Variants in SLC4A10 observed in about 807,000 individuals in gnomAD.
SLC4A10 encodes the protein sodium-driven chloride bicarbonate exchanger.
Under a neutral mutation model 137.7 loss-of-function variants are expected in SLC4A10, and 42 were observed. The ratio of observed to expected loss-of-function variants is 0.30; its 90% CI spans 0.24 to 0.39. SLC4A10 has a LOEUF of 0.39. SLC4A10 is among the 10% of genes least tolerant of loss of function. SLC4A10 has a pLI of 1.00. For synonymous variants in SLC4A10, 474 were observed against 464.1 expected (o/e 1.02, Z -0.27); for missense variants, 925 against 1,355.0 (o/e 0.68, Z 4.98).
chr2:161,805,282 A>C (rs181312068), intron 3 of SLC4A10, among the ~76,000 whole-genome samples: 129 of 152,216 alleles, frequency 8.5e-4, no homozygotes, highest in African/African-American at 2.9e-3. Context: ...AACACATGGA[A>C]AATTCAAGAT....
At chr2:161,670,543 C>T (rs1041858404) in intron 1 of SLC4A10, among the ~76,000 whole-genome samples, 7 of 148,986 alleles carry the variant, frequency 4.7e-5, no homozygotes, top group South Asian at 2.2e-4. Context: ...TTATCTCGTG[C>T]GTACATAATT....
chr2:161,691,319 G>A (rs1348784961), intron 1 of SLC4A10, among the ~76,000 whole-genome samples: 12 of 149,710 alleles, frequency 8.0e-5, no homozygotes, highest in Admixed American at 3.3e-4. Flanking sequence ...AGGCTGGGAA[G>A]GGTAGGTGGG....
intron 3 of SLC4A10, among the ~76,000 whole-genome samples, chr2:161,812,596 T>C (rs1198022337): frequency 2.6e-5 from 4 of 152,080 alleles, no homozygotes; most frequent in African/African-American, 4.8e-5. Context: ...TTATCTCCCA[T>C]TTATGAGTAA....
intron 1 of SLC4A10, among the ~76,000 whole-genome samples, chr2:161,663,328 T>A (rs1287867125): frequency 3.9e-5 from 6 of 152,122 alleles, no homozygotes; most frequent in Non-Finnish European, 7.4e-5. Context: ...TTTGCTTATT[T>A]TGTATTTACA....
At chr2:161,822,889 T>C (rs1413576541) in intron 3 of SLC4A10, among the ~76,000 whole-genome samples, 2 of 152,120 alleles carry the variant, frequency 1.3e-5, no homozygotes, top group Non-Finnish European at 2.9e-5. Flanking sequence ...GCAGGAGAAC[T>C]GCTTGAACCC....
intron 1 of SLC4A10, among the ~76,000 whole-genome samples, chr2:161,715,180 C>G (rs1037966499): frequency 6.6e-6 from 1 of 151,956 alleles, no homozygotes. Context: ...GAAAGTCTAG[C>G]TCTACAGCTG....
chr2:161,917,984 C>T (rs1687433360), intron 15 of SLC4A10, among the ~76,000 whole-genome samples: 1 of 152,086 alleles, frequency 6.6e-6, no homozygotes, highest in Non-Finnish European at 1.5e-5. Context: ...AAGGTAAACC[C>T]CAAGACATCT....
intron 1 of SLC4A10, among the ~76,000 whole-genome samples, chr2:161,735,798 C>T (rs1016971571): frequency 2.6e-5 from 4 of 152,240 alleles, no homozygotes; most frequent in African/African-American, 9.6e-5. Context: ...CCAGATCTTA[C>T]CATGGCCAAC....
At chr2:161,883,145 T>C (rs1287312867) in intron 10 of SLC4A10, among the ~76,000 whole-genome samples, 1 of 152,192 alleles carries the variant, frequency 6.6e-6, no homozygotes, top group Non-Finnish European at 1.5e-5. Flanking sequence ...GGAAATTTGT[T>C]GTTATTGTTA....
intron 3 of SLC4A10, among the ~76,000 whole-genome samples, chr2:161,805,797 G>A (rs367615882): frequency 1.8e-4 from 27 of 152,132 alleles, no homozygotes; most frequent in East Asian, 5.8e-4. Flanking sequence ...TTGCTTTTCC[G>A]GACACACTAT....
chr2:161,800,395 T>A (rs2055250637), intron 2 of SLC4A10, among the ~76,000 whole-genome samples: 1 of 152,034 alleles, frequency 6.6e-6, no homozygotes, highest in Non-Finnish European at 1.5e-5. Flanking sequence ...ATTCAATGGA[T>A]ATTTATTGAG....
intron 3 of SLC4A10, among the ~76,000 whole-genome samples, chr2:161,820,822 C>A (rs1241757184): frequency 6.6e-6 from 1 of 152,138 alleles, no homozygotes; most frequent in Non-Finnish European, 1.5e-5. Context: ...ATTGCTGAGT[C>A]ATAGGACATG....
At chr2:161,895,306 C>A (rs1382213582) in intron 11 of SLC4A10, among the ~76,000 whole-genome samples, 2 of 152,082 alleles carry the variant, frequency 1.3e-5, no homozygotes, top group East Asian at 3.8e-4. Context: ...TTAATCCAGT[C>A]TATCATTGTT....
intron 3 of SLC4A10, among the ~76,000 whole-genome samples, chr2:161,837,160 A>G (rs2058869451): frequency 6.6e-6 from 1 of 152,214 alleles, no homozygotes; most frequent in Non-Finnish European, 1.5e-5. Flanking sequence ...AAAGGAAAAA[A>G]TAAAATGGTT....
intron 3 of SLC4A10, among the ~76,000 whole-genome samples, chr2:161,820,721 G>A (rs1287401665): frequency 6.6e-6 from 1 of 152,164 alleles, no homozygotes; most frequent in Non-Finnish European, 1.5e-5. Flanking sequence ...TATGCAATTA[G>A]AAGCTACTAC....
At chr2:161,812,758 C>A (rs906732470) in intron 3 of SLC4A10, among the ~76,000 whole-genome samples, 1 of 151,916 alleles carries the variant, frequency 6.6e-6, no homozygotes. Context: ...TTTCTTTATC[C>A]ACCTCACCCT....
At chr2:161,708,696 C>T (rs972085737) in intron 1 of SLC4A10, 52 of 1,515,888 alleles carry the variant, frequency 3.4e-5, no homozygotes, top group Non-Finnish European at 4.6e-5. Context: ...TTCACTAGCC[C>T]TGAAGATGCT....
At chr2:161,710,759 G>A (rs967388384) in intron 1 of SLC4A10, 62 of 452,814 alleles carry the variant, frequency 1.4e-4, no homozygotes, top group African/African-American at 1.2e-3. Context: ...AAGGTAAGCT[G>A]CCTATAAAAA....
chr2:161,977,020 T>C (rs1699490178), intron 25 of SLC4A10, 144 bp downstream of exon 25: 1 of 536,448 alleles, frequency 1.9e-6, no homozygotes, highest in Non-Finnish European at 3.2e-6. Context: ...GTAGAAATTG[T>C]AATTATTTCA....
Sources: gnomAD v4.1 joint callset for allele counts (sites outside exome capture counted in the v4.1 genomes callset) on GRCh38, gnomAD v4.1.1 for gene constraint, MANE v1.5 for transcripts, NCBI Gene and HGNC (gene_info 2026-07-23, HGNC 2026-07-21) for gene names.